The following PDHX variants were observed in gnomAD, a reference collection of about 807,000 sequenced individuals.
PDHX encodes the protein pyruvate dehydrogenase protein X component, mitochondrial.
A neutral mutation model predicts 55.3 loss-of-function variants in PDHX; 33 were observed. The ratio of observed to expected loss-of-function variants is 0.60; its 90% confidence interval spans 0.45 to 0.80. The LOEUF is 0.80. Ranked by LOEUF, PDHX falls within the 30% of genes least tolerant of loss-of-function variation. The probability of loss-of-function intolerance (pLI) is 0.00; values close to 1 mark genes in which losing one functional copy is unlikely to be tolerated. For synonymous variants in PDHX, 226 were observed against 219.4 expected (o/e 1.03, Z -0.27); for missense variants, 622 against 619.9 (o/e 1.00, Z -0.04).
intron 5 of PDHX, among the ~76,000 whole-genome samples, chr11:34,963,660 CT>C (rs1855067451): frequency 6.6e-6 from 1 of 152,162 alleles, no homozygotes; most frequent in Non-Finnish European, 1.5e-5. Context: ...GTTCCAAATG[CT>C]GAAGGAAATG....
chr11:34,944,904 G>T, intron 2 of PDHX, among the ~76,000 whole-genome samples: 1 of 151,776 alleles, frequency 6.6e-6, no homozygotes, highest in African/African-American at 2.4e-5. Flanking sequence ...TTGTGATTAC[G>T]GATACATGGG....
chr11:34,988,367 A>G (rs1855694933), intron 9 of PDHX, among the ~76,000 whole-genome samples: 1 of 152,160 alleles, frequency 6.6e-6, no homozygotes, highest in Admixed American at 6.6e-5. Context: ...CTGATGGGAA[A>G]AAAGAGAGGT....
At chr11:34,919,807 G>A (rs981909572) in intron 1 of PDHX, among the ~76,000 whole-genome samples, 2 of 152,150 alleles carry the variant, frequency 1.3e-5, no homozygotes, top group Non-Finnish European at 2.9e-5. Context: ...TAGGTGCCAG[G>A]CACATGGTAC....
intron 5 of PDHX, among the ~76,000 whole-genome samples, chr11:34,963,586 C>T (rs867793869): frequency 6.6e-6 from 1 of 152,110 alleles, no homozygotes; most frequent in Non-Finnish European, 1.5e-5. Flanking sequence ...AGCCAACACA[C>T]GTTCTTGACA....
In PDHX at chr11:34,931,537, T is replaced by G. The variant is rs540806585; in HGVS notation, c.241+53T>G. ...TGTGCTTTGTTATTTGGTTATTTTG[T>G]TTTGTTTTTTTTTTTCCTAATCTGT... On this transcript the variant is annotated intron_variant, in intron 2 of 10. Coordinates refer to ENST00000227868, the MANE Select transcript of PDHX (RefSeq NM_003477.3). 12 of 870,416 alleles carry G rather than the reference T, an allele frequency of 1.4e-5. No individual in the cohort carries two copies. The East Asian group carries it at 3.0e-4, about 22-fold the overall frequency. 53.9% of individuals were successfully genotyped at this position (870,416 alleles called of 1,614,324 possible).
intron 9 of PDHX, chr11:34,984,988 C>T (rs1178394271): frequency 2.6e-6 from 1 of 385,086 alleles, no homozygotes; most frequent in Admixed American, 4.1e-5. Flanking sequence ...ATGCTAAAGA[C>T]AAGCTTTATT....
At chr11:34,916,606 A>G (rs766620539), upstream of PDHX, 28 of 1,597,266 alleles carry the variant, frequency 1.8e-5, 1 homozygote, top group South Asian at 3.1e-4. Context: ...CGGGGCCTTG[A>G]TGCTGGACAT....
chr11:34,977,563 A>G lies in PDHX; in HGVS notation c.965-561A>G, dbSNP rs180981585. On this transcript the variant is annotated intron_variant, in intron 7 of 10. Coordinates refer to ENST00000227868, the MANE Select transcript of PDHX (RefSeq NM_003477.3). Reference sequence around the variant, plus strand: ...ATCCTGTTTTGTTAAGTTAAAAAGCAGTTAAATTTTTTTTCACCTACACCC... The same window carrying G: ...ATCCTGTTTTGTTAAGTTAAAAAGCGGTTAAATTTTTTTTCACCTACACCC... Among the ~76,000 whole-genome samples, 617 of 152,254 alleles carry G rather than the reference A, an allele frequency of 4.1e-3. 3 individuals carry two copies. Among genetic ancestry groups the G allele is most frequent in the Non-Finnish European group, 6.9e-3 (471 of 67,990 alleles).
At chr11:34,943,407 T>G (rs568172782) in intron 2 of PDHX, among the ~76,000 whole-genome samples, 1 of 152,186 alleles carries the variant, frequency 6.6e-6, no homozygotes, top group South Asian at 2.1e-4. Flanking sequence ...AATGATGATA[T>G]AGCATCATTT....
chr11:34,970,371 C>G, intron 7 of PDHX, 85 bp downstream of exon 7: 1 of 1,125,722 alleles, frequency 8.9e-7, no homozygotes, highest in Non-Finnish European at 1.3e-6. Context: ...AAATTAAAAG[C>G]TACATTGTGT....
chr11:34,920,814 A>G (rs965676502), intron 1 of PDHX, among the ~76,000 whole-genome samples: 4 of 152,202 alleles, frequency 2.6e-5, no homozygotes, highest in Admixed American at 2.0e-4. Context: ...GGGAGAAAGC[A>G]GATATTGTGT....
At chr11:34,951,282 A>G (rs1472922877) in intron 3 of PDHX, among the ~76,000 whole-genome samples, 1 of 151,618 alleles carries the variant, frequency 6.6e-6, no homozygotes, top group East Asian at 1.9e-4. Flanking sequence ...GATGGTCTCG[A>G]TCTCCTGACC....
Position 34,957,688 on chromosome 11 carries a change from G to C in PDHX, c.542+105G>C. The C allele has an allele frequency of 7.6e-6, 7 of 916,560 alleles. No homozygotes were observed. The South Asian group carries it at 9.9e-5, about 13-fold the overall frequency. 56.8% of individuals were successfully genotyped at this position (916,560 alleles called of 1,614,324 possible). A position where few individuals can be genotyped will look rare whatever the true frequency, so the allele number is the denominator to read the frequency against. Reference sequence around the variant, plus strand: ...TTCGCACATCGTTGTACATCACGTAGGAAGTTGCTGTTCTCAGCACACTCA... The same window carrying C: ...TTCGCACATCGTTGTACATCACGTACGAAGTTGCTGTTCTCAGCACACTCA... On this transcript the variant is annotated intron_variant, in intron 4 of 10. Coordinates refer to ENST00000227868, the MANE Select transcript of PDHX (RefSeq NM_003477.3).
rs1334171757 is a variant in PDHX at position 34,920,037 on chromosome 11, A to G, written c.160+3222A>G. 2.0e-5 allele frequency among the ~76,000 whole-genome samples: 3 copies of G among 152,244 alleles called. No individual in the cohort carries two copies. The East Asian group carries it at 5.8e-4, about 29-fold the overall frequency. On this transcript the variant is annotated intron_variant, in intron 1 of 10. Transcript: ENST00000227868. ...GGGGTAAGTTTGAAATGATCAGGAA[A>G]TAATATATAAGGCAGCTTCTTAGAG...
chr11:34,943,284 A>G (rs1190203730), intron 2 of PDHX, among the ~76,000 whole-genome samples: 1 of 152,254 alleles, frequency 6.6e-6, no homozygotes, highest in Non-Finnish European at 1.5e-5. Context: ...TACTATAGGA[A>G]TCTGGAATAT....
In PDHX at chr11:34,955,193, A is replaced by G. The variant is rs370657994; in HGVS notation, c.343-2191A>G. On this transcript the variant is annotated intron_variant, in intron 3 of 10. Transcript: ENST00000227868. ...GGCAGAGTGTATCCATGGAGGTACC[A>G]TGAGCTACCATGGAGGTAGCTCAGA... 1.3e-3 allele frequency among the ~76,000 whole-genome samples: 193 copies of G among 152,276 alleles called. No individual in the cohort carries two copies. In the Middle Eastern group the frequency reaches 0.014, roughly 11 times the overall value.
At chr11:34,942,196 A>G (rs1023064688) in intron 2 of PDHX, among the ~76,000 whole-genome samples, 22 of 152,244 alleles carry the variant, frequency 1.4e-4, no homozygotes, top group African/African-American at 5.3e-4. Context: ...TCTGGTAGAA[A>G]TGACAGAATA....
chr11:34,976,083 TACTC>T (rs1565166934), intron 7 of PDHX, among the ~76,000 whole-genome samples: 2 of 152,204 alleles, frequency 1.3e-5, no homozygotes, highest in East Asian at 3.8e-4. Context: ...CCTGTTTTCT[TACTC>T]TAATAAGGCA....
chr11:34,970,460 G>A (rs1183328237), intron 7 of PDHX, among the ~76,000 whole-genome samples, 174 bp downstream of exon 7: 2 of 152,090 alleles, frequency 1.3e-5, no homozygotes, highest in Non-Finnish European at 2.9e-5. Context: ...ATTAGCAATG[G>A]TTTCCTTGAA....
Sources: allele counts gnomAD v4.1 joint callset (sites outside exome capture counted in the v4.1 genomes callset), GRCh38; gene constraint gnomAD v4.1.1; transcripts MANE v1.5; gene names NCBI Gene and HGNC (gene_info 2026-07-23, HGNC 2026-07-21).